The following NAALADL2 variants were observed in gnomAD, a reference collection of about 807,000 sequenced individuals.
NAALADL2 encodes inactive N-acetylated-alpha-linked acidic dipeptidase-like protein 2.
In NAALADL2, 76 loss-of-function variants were observed where a neutral mutation model predicts 87.2. That is an observed-to-expected ratio of 0.87 (90% CI 0.72 to 1.05). The LOEUF (loss-of-function observed/expected upper bound fraction) is 1.05, where lower values mean the gene tolerates loss of function less well. Among genes scored for constraint, NAALADL2 ranks in the 50% least tolerant of loss-of-function variants. The pLI, the probability that NAALADL2 is intolerant of heterozygous loss-of-function variation, is 0.00. For synonymous variants in NAALADL2, 354 were observed against 331.0 expected (o/e 1.07, Z -0.75); for missense variants, 1,089 against 945.8 (o/e 1.15, Z -1.99).
Position 175,733,122 on chromosome 3 carries a change from T to C in NAALADL2, c.1897-4184T>C, listed in dbSNP as rs1357036923. Among the ~76,000 whole-genome samples, 4 of 152,170 alleles carry C rather than the reference T, an allele frequency of 2.6e-5. 1 individual carries two copies. On this transcript the variant is annotated intron_variant, in intron 11 of 13. Transcript: ENST00000454872. ...TAATAAACACATTTTCCCAAGCAGA[T>C]AGAAGAAGATCAAATTGAATTATAT...
chr3:174,485,651 G>A (rs150415825), intron 1 of NAALADL2, among the ~76,000 whole-genome samples: 8 of 152,028 alleles, frequency 5.3e-5, no homozygotes, highest in African/African-American at 1.4e-4. Flanking sequence ...TGGCTGCATA[G>A]CATTTCATGG....
intron 11 of NAALADL2, among the ~76,000 whole-genome samples, chr3:175,670,392 A>AATTTACATTAAATGTAAATTTAATATAT (rs1733772020): frequency 1.0e-4 from 2 of 19,340 alleles, no homozygotes; most frequent in African/African-American, 4.1e-4. Flanking sequence ...ATAACATTTA[A>AATTTACATTAAATGTAAATTTAATATAT]TTATATTAAA....
At chr3:175,033,749 T>C (rs1429319372) in intron 1 of NAALADL2, among the ~76,000 whole-genome samples, 1 of 152,156 alleles carries the variant, frequency 6.6e-6, no homozygotes, top group African/African-American at 2.4e-5. Flanking sequence ...TGCTTGGAAC[T>C]CTTTCTTCTC....
At chr3:175,700,858 T>C (rs1293028105) in intron 11 of NAALADL2, among the ~76,000 whole-genome samples, 2 of 152,118 alleles carry the variant, frequency 1.3e-5, no homozygotes, top group African/African-American at 4.8e-5. Flanking sequence ...ATCCCATCAG[T>C]CTAAAGTAGT....
chr3:175,277,791 C>G (rs1753790103), intron 4 of NAALADL2, among the ~76,000 whole-genome samples: 1 of 152,064 alleles, frequency 6.6e-6, no homozygotes, highest in Non-Finnish European at 1.5e-5. Context: ...ACCATTTACC[C>G]TCCTATCTCA....
intron 9 of NAALADL2, among the ~76,000 whole-genome samples, chr3:175,542,038 T>C (rs770778278): frequency 2.6e-5 from 4 of 152,028 alleles, no homozygotes; most frequent in Non-Finnish European, 4.4e-5. Flanking sequence ...TTTAATCTTC[T>C]CTTGAAAGAA....
At chr3:175,205,273 C>G (rs1740645139) in intron 2 of NAALADL2, among the ~76,000 whole-genome samples, 2 of 152,088 alleles carry the variant, frequency 1.3e-5, no homozygotes, top group African/African-American at 4.8e-5. Flanking sequence ...ACCAATGGAA[C>G]AGAATAGGAA....
intron 1 of NAALADL2, among the ~76,000 whole-genome samples, chr3:174,534,353 G>A (rs1168509443): frequency 6.6e-6 from 1 of 151,978 alleles, no homozygotes; most frequent in African/African-American, 2.4e-5. Flanking sequence ...TCATTTGTTT[G>A]GAATGCTATT....
intron 5 of NAALADL2, among the ~76,000 whole-genome samples, chr3:175,407,243 G>A (rs1271378212): frequency 6.6e-6 from 1 of 152,122 alleles, no homozygotes; most frequent in African/African-American, 2.4e-5. Flanking sequence ...TGATTTCCAT[G>A]ATAAATCATT....
In NAALADL2 at chr3:175,311,937, G is replaced by A. The variant is rs973797664; in HGVS notation, c.940-12238G>A. On this transcript the variant is annotated intron_variant, in intron 4 of 13. Coordinates refer to ENST00000454872, the MANE Select transcript of NAALADL2 (RefSeq NM_207015.3). ...AAGCAATTTGAAATCCTAATTAAAG[G>A]TGTTCAGTGAATTTGAAGAAGAATG... 4.6e-5 allele frequency among the ~76,000 whole-genome samples: 7 copies of A among 152,210 alleles called. No individual in the cohort carries two copies. The East Asian group carries it at 9.6e-4, about 21-fold the overall frequency.
At chr3:175,602,093 A>G (rs1582580382) in intron 10 of NAALADL2, among the ~76,000 whole-genome samples, 1 of 152,054 alleles carries the variant, frequency 6.6e-6, no homozygotes, top group Admixed American at 6.6e-5. Flanking sequence ...GAGTTTTTCC[A>G]GCATTAATGA....
intron 10 of NAALADL2, among the ~76,000 whole-genome samples, chr3:175,577,762 A>G (rs1292767775): frequency 6.6e-6 from 1 of 152,214 alleles, no homozygotes; most frequent in African/African-American, 2.4e-5. Flanking sequence ...AATTTTTAAA[A>G]TGGATTTATC....
intron 1 of NAALADL2, among the ~76,000 whole-genome samples, chr3:174,881,934 G>A (rs1271295957): frequency 6.6e-6 from 1 of 152,064 alleles, no homozygotes; most frequent in African/African-American, 2.4e-5. Context: ...TTGGGGAAAG[G>A]CCTTTGGTGA....
At chr3:175,038,435 C>T (rs772174851) in intron 1 of NAALADL2, among the ~76,000 whole-genome samples, 2 of 152,070 alleles carry the variant, frequency 1.3e-5, no homozygotes, top group African/African-American at 2.4e-5. Context: ...TATTTGCTCA[C>T]CCCTGGAGCA....
chr3:175,316,119 G>T (rs572111015), intron 4 of NAALADL2, among the ~76,000 whole-genome samples: 2 of 152,270 alleles, frequency 1.3e-5, no homozygotes, highest in African/African-American at 4.8e-5. Flanking sequence ...TATGTAAGTT[G>T]TCACATAGCT....
intron 2 of NAALADL2, among the ~76,000 whole-genome samples, chr3:174,555,881 A>G (rs567579264): frequency 7.3e-5 from 11 of 151,442 alleles, no homozygotes; most frequent in African/African-American, 2.4e-4. Flanking sequence ...TATTTTCTCA[A>G]TTTCTGACGT....
At chr3:175,601,313 T>C (rs1266841495) in intron 10 of NAALADL2, among the ~76,000 whole-genome samples, 8 of 152,218 alleles carry the variant, frequency 5.3e-5, no homozygotes, top group Admixed American at 2.6e-4. Context: ...TAAAAAATTA[T>C]ATTTAATTGT....
intron 2 of NAALADL2, among the ~76,000 whole-genome samples, chr3:174,598,426 A>G (rs544683028): frequency 6.6e-6 from 1 of 152,282 alleles, no homozygotes; most frequent in East Asian, 1.9e-4. Flanking sequence ...TCTGTGCTAA[A>G]TGATATACAC....
chr3:174,588,418 G>A (rs1422475821), intron 2 of NAALADL2, among the ~76,000 whole-genome samples: 3 of 152,202 alleles, frequency 2.0e-5, no homozygotes, highest in Admixed American at 6.5e-5. Context: ...CGTTGCTGGT[G>A]AGGAGCTGCG....
Sources: gnomAD v4.1 joint callset for allele counts (sites outside exome capture counted in the v4.1 genomes callset) on GRCh38, gnomAD v4.1.1 for gene constraint, MANE v1.5 for transcripts, NCBI Gene and HGNC (gene_info 2026-07-23, HGNC 2026-07-21) for gene names.